ACVR1C: variants seen among roughly 807,000 people sequenced by gnomAD.
ACVR1C encodes the protein activin A receptor type 1C, also known as activin receptor type-1C.
A neutral mutation model predicts 57.9 loss-of-function variants in ACVR1C; 23 were observed. That is an observed-to-expected ratio of 0.40 (90% CI 0.29 to 0.56). The LOEUF (loss-of-function observed/expected upper bound fraction) is 0.56, where lower values mean the gene tolerates loss of function less well. ACVR1C is among the 20% of genes least tolerant of loss of function. The pLI is 0.50. For missense variants in ACVR1C, 480 were observed against 607.9 expected, an observed-to-expected ratio of 0.79 and a Z score of 2.21; for synonymous variants, 214 against 215.3, an observed-to-expected ratio of 0.99 and a Z score of 0.05.
chr2:157,613,458 T>C (rs1052727479), intron 1 of ACVR1C, among the ~76,000 whole-genome samples: 33 of 150,980 alleles, frequency 2.2e-4, no homozygotes, highest in Non-Finnish European at 3.7e-4. Context: ...GTGTTTTTTT[T>C]CCAAATATTT....
At chr2:157,546,911 C>T (rs1024883459) in intron 4 of ACVR1C, among the ~76,000 whole-genome samples, 2 of 151,730 alleles carry the variant, frequency 1.3e-5, no homozygotes, top group Non-Finnish European at 2.9e-5. Context: ...TGGTGCGCTG[C>T]ACCCACTAAC....
At chr2:157,585,628 TC>T (rs1328266416) in intron 2 of ACVR1C, among the ~76,000 whole-genome samples, 1 of 152,186 alleles carries the variant, frequency 6.6e-6, no homozygotes, top group East Asian at 1.9e-4. Context: ...GAGGAGACTC[TC>T]CTTTTTACCC....
At position 157,530,691 on chromosome 2, in the gene ACVR1C, A is replaced by C. The variant is rs1335064843; in HGVS notation, c.*3227T>G. ...AAATGCAAAGTTAATTGAAAGTATAAAGATGAAAAGCAAGTGCTATGCCTA... is the reference window on the plus strand; with the variant it reads ...AAATGCAAAGTTAATTGAAAGTATACAGATGAAAAGCAAGTGCTATGCCTA... On this transcript the variant is annotated 3_prime_UTR_variant, in exon 9 of 9. Coordinates refer to ENST00000243349, the MANE Select transcript of ACVR1C (RefSeq NM_145259.3). 6.6e-6 allele frequency: 1 copy of C among 152,132 alleles called. No individual in the cohort carries two copies. The highest frequency in any genetic ancestry group is 1.5e-5 in the Non-Finnish European group (1 of 67,998). The allele number at this position is 152,132 out of a possible 1,614,324, so 9.4% of individuals were successfully genotyped here.
chr2:157,585,957 G>C (rs1386481953), intron 2 of ACVR1C, among the ~76,000 whole-genome samples: 1 of 152,118 alleles, frequency 6.6e-6, no homozygotes, highest in African/African-American at 2.4e-5. Flanking sequence ...CTGGTACATG[G>C]AATTACTTTA....
chr2:157,584,186 C>A (rs1463951916), intron 2 of ACVR1C, among the ~76,000 whole-genome samples: 4 of 148,986 alleles, frequency 2.7e-5, no homozygotes, highest in African/African-American at 7.3e-5. Flanking sequence ...AAAAAAAAAA[C>A]CCGCCTCCTG....
In ACVR1C at chr2:157,538,630, C is replaced by T. The variant is rs1558968087; in HGVS notation, c.1299G>A (p.Lys433=). 6.3e-7 allele frequency: 1 copy of T among 1,586,920 alleles called. No homozygotes were observed. Among genetic ancestry groups the T allele is most frequent in the Non-Finnish European group, 8.6e-7 (1 of 1,166,920 alleles). The change falls in exon 8 of 9, where the codon AAG becomes AAA. Residue 433 remains lysine (K), a synonymous_variant. Transcript: ENST00000243349. ...PSDPSIEEMR[K]VVCDQKFRPS... is the part of the protein sequence containing the mutation. The stretch of plus-strand genomic sequence containing the variant: ...GTCGAAACTTCTGGTCACAAACAAC[C>T]TTTCTCATTTCCTCTATCGAGGGAT...
rs750656491 is a variant in ACVR1C at position 157,556,095 on chromosome 2, G to C, written c.542C>G (p.Ser181Cys). 6.2e-7 allele frequency: 1 copy of C among 1,613,916 alleles called. No homozygotes were observed. The highest frequency in any genetic ancestry group is 8.5e-7 in the Non-Finnish European group (1 of 1,179,940). The change falls in exon 3 of 9, where the codon TCT becomes TGT. Residue 181 changes from serine (S) to cysteine (C), a missense_variant and splice_region_variant. Transcript: ENST00000243349. ...IYDVTASGSG[S>C]GLPLLVQRTI... Reference sequence around the variant, plus strand: ...AAAAATGGACAATGGTAACATACCAGAGCCAGATCCAGAGGCGGTCACATC... The same window carrying C: ...AAAAATGGACAATGGTAACATACCACAGCCAGATCCAGAGGCGGTCACATC...
chr2:157,533,045 G>T lies in ACVR1C; in HGVS notation c.*873C>A, dbSNP rs1460753292. 6.6e-6 allele frequency: 1 copy of T among 151,962 alleles called. No homozygotes were observed. The highest frequency in any genetic ancestry group is 1.5e-5 in the Non-Finnish European group (1 of 67,984). The allele number at this position is 151,962 out of a possible 1,614,324, so 9.4% of individuals were successfully genotyped here. On this transcript the variant is annotated 3_prime_UTR_variant, in exon 9 of 9. Transcript: ENST00000243349. Reference sequence around the variant, plus strand: ...AGATATGGTTCTGAGATTTTGTGCGGGTCCATTATGATTCTGCAAAATAAC... The same window carrying T: ...AGATATGGTTCTGAGATTTTGTGCGTGTCCATTATGATTCTGCAAAATAAC...
chr2:157,537,269 G>T (rs1687513724), intron 8 of ACVR1C, among the ~76,000 whole-genome samples: 1 of 151,942 alleles, frequency 6.6e-6, no homozygotes, highest in Non-Finnish European at 1.5e-5. Flanking sequence ...TCTCAGAGGG[G>T]TAAGGAATCT....
intron 2 of ACVR1C, among the ~76,000 whole-genome samples, chr2:157,580,723 C>T (rs1267183206): frequency 6.6e-6 from 1 of 152,056 alleles, no homozygotes; most frequent in Non-Finnish European, 1.5e-5. Context: ...ATCCTGGAGG[C>T]ATCTGCCAGC....
chr2:157,555,279 C>T (rs928544802), intron 3 of ACVR1C, among the ~76,000 whole-genome samples: 28 of 151,266 alleles, frequency 1.9e-4, no homozygotes, highest in African/African-American at 6.3e-4. Context: ...CCACCGCGCC[C>T]GGCTAATTTT....
intron 2 of ACVR1C, among the ~76,000 whole-genome samples, chr2:157,566,056 T>C (rs376687645): frequency 1.3e-5 from 2 of 152,208 alleles, no homozygotes; most frequent in African/African-American, 4.8e-5. Context: ...TCAGGACACA[T>C]ACCTAGCAGA....
At chr2:157,554,327 G>T (rs1467681955) in intron 3 of ACVR1C, among the ~76,000 whole-genome samples, 1 of 124,098 alleles carries the variant, frequency 8.1e-6, no homozygotes. Context: ...AAAAGAAAAA[G>T]AAAGAGAAAG....
At chr2:157,554,203 G>GAGAGAGAAAGAAAGA (rs1687999143) in intron 3 of ACVR1C, among the ~76,000 whole-genome samples, 1 of 46,868 alleles carries the variant, frequency 2.1e-5, no homozygotes, top group South Asian at 5.9e-4. Context: ...AAAGAAGAGA[G>GAGAGAGAAAGAAAGA]AAAGAAAGAA....
chr2:157,559,422 A>G (rs1465131665), intron 2 of ACVR1C, among the ~76,000 whole-genome samples: 1 of 152,268 alleles, frequency 6.6e-6, no homozygotes, highest in African/African-American at 2.4e-5. Flanking sequence ...AAATGAAAAA[A>G]AAAACTGTAG....
At chr2:157,542,979 C>CTTT in intron 5 of ACVR1C, 117 bp from the exon 6 acceptor site, 1 of 1,014,838 alleles carries the variant, frequency 9.9e-7, no homozygotes, top group Non-Finnish European at 1.4e-6. Flanking sequence ...CTTCAAAGCT[C>CTTT]TTGTCACTAT....
chr2:157,606,924 C>A (rs1682412036), intron 1 of ACVR1C, among the ~76,000 whole-genome samples: 1 of 151,672 alleles, frequency 6.6e-6, no homozygotes, highest in African/African-American at 2.4e-5. Flanking sequence ...GTGTTTTCTT[C>A]TAGTAGTTTT....
chr2:157,556,630 A>G (rs1162522748), intron 2 of ACVR1C, among the ~76,000 whole-genome samples: 1 of 114,056 alleles, frequency 8.8e-6, no homozygotes, highest in African/African-American at 3.3e-5. Context: ...TCTGTCTACT[A>G]TTTTCCCTCC....
intron 2 of ACVR1C, among the ~76,000 whole-genome samples, chr2:157,564,470 A>G (rs536059456): frequency 2.8e-4 from 42 of 152,286 alleles, no homozygotes; most frequent in African/African-American, 9.9e-4. Context: ...TGCTGGCGAG[A>G]CTGTGGAGAA....
Sources: gnomAD v4.1 joint callset for allele counts (sites outside exome capture counted in the v4.1 genomes callset) on GRCh38, gnomAD v4.1.1 for gene constraint, MANE v1.5 for transcripts, NCBI Gene and HGNC (gene_info 2026-07-23, HGNC 2026-07-21) for gene names.